Variants in PYY observed in about 807,000 individuals in gnomAD.
The protein encoded by PYY is peptide YY, also known as peptide tyrosine tyrosine.
In PYY, 12 loss-of-function variants were observed where a neutral mutation model predicts 10.3. That is an observed-to-expected ratio of 1.17 (90% CI 0.75 to 1.89). The LOEUF is 1.89. Among genes scored for constraint, PYY ranks in the 40% most tolerant of loss-of-function variants. The pLI, the probability that PYY is intolerant of heterozygous loss-of-function variation, is 0.00. For missense variants in PYY, 141 were observed against 134.0 expected, an observed-to-expected ratio of 1.05 and a Z score of -0.26; for synonymous variants, 66 against 62.0, an observed-to-expected ratio of 1.06 and a Z score of -0.30.
At chr17:43,976,601 A>ATCTG (rs1195165396) in intron 1 of PYY, among the ~76,000 whole-genome samples, 2 of 151,842 alleles carry the variant, frequency 1.3e-5, no homozygotes, top group Non-Finnish European at 2.9e-5. Flanking sequence ...GTGAAACCCC[A>ATCTG]TCTCTACTAA....
chr17:43,976,220 TAC>T (rs1244729539), intron 1 of PYY, among the ~76,000 whole-genome samples: 1 of 141,400 alleles, frequency 7.1e-6, no homozygotes, highest in Admixed American at 6.9e-5. Context: ...CGTATATGTA[TAC>T]ATATATACAT....
chr17:43,963,172 TA>T (rs1429907408), intron 2 of PYY, among the ~76,000 whole-genome samples: 1 of 152,138 alleles, frequency 6.6e-6, no homozygotes, highest in African/African-American at 2.4e-5. Context: ...ATTAGCAATG[TA>T]AAAGTATTAA....
intron 1 of PYY, among the ~76,000 whole-genome samples, chr17:43,989,453 G>A (rs2048938202): frequency 6.6e-6 from 1 of 152,120 alleles, no homozygotes; most frequent in South Asian, 2.1e-4. Flanking sequence ...CTGCCATACT[G>A]CTTCCATAGC....
intron 1 of PYY, among the ~76,000 whole-genome samples, chr17:43,973,960 T>G (rs1237924764): frequency 6.6e-6 from 1 of 152,028 alleles, no homozygotes; most frequent in East Asian, 1.9e-4. Context: ...CAAAGCTTCA[T>G]GAGACCTCTT....
intron 1 of PYY, among the ~76,000 whole-genome samples, chr17:43,995,554 C>T (rs2048985569): frequency 6.6e-6 from 1 of 152,204 alleles, no homozygotes; most frequent in African/African-American, 2.4e-5. Flanking sequence ...TGCAGACGGG[C>T]CGGGCACGGT....
chr17:44,003,670 C>CAAAAAAAAAAAA (rs34426332), intron 1 of PYY, among the ~76,000 whole-genome samples: 1 of 17,112 alleles, frequency 5.8e-5, no homozygotes, highest in African/African-American at 1.0e-4. Context: ...AACAAACAAA[C>CAAAAAAAAAAAA]AAAAAAAAAA....
chr17:43,997,213 G>C (rs1486194007), intron 1 of PYY, among the ~76,000 whole-genome samples: 3 of 151,790 alleles, frequency 2.0e-5, no homozygotes, highest in Non-Finnish European at 4.4e-5. Context: ...TAACTTTTTT[G>C]TATTTTTAGT....
intron 1 of PYY, among the ~76,000 whole-genome samples, chr17:43,985,383 A>C (rs963747055): frequency 6.6e-6 from 1 of 152,040 alleles, no homozygotes; most frequent in Non-Finnish European, 1.5e-5. Flanking sequence ...GCTATTTTTT[A>C]ATTTTTGTAG....
At chr17:43,980,923 T>C (rs1319980506) in intron 1 of PYY, among the ~76,000 whole-genome samples, 1 of 152,212 alleles carries the variant, frequency 6.6e-6, no homozygotes, top group Non-Finnish European at 1.5e-5. Context: ...TTTGTTGTAG[T>C]ATTTACAGGC....
intron 1 of PYY, among the ~76,000 whole-genome samples, chr17:43,980,255 C>T (rs1281741096): frequency 5.4e-5 from 8 of 147,454 alleles, no homozygotes; most frequent in Admixed American, 1.4e-4. Context: ...TCTCCACCTC[C>T]GGAGTTTAAG....
At position 43,982,856 on chromosome 17, in the gene PYY, C is replaced by T. The variant is rs377755433; in HGVS notation, c.-462-16324G>A. The stretch of plus-strand genomic sequence containing the variant: ...ATAAGAGGGTTTCTTCTTCAGATGA[C>T]CTTTGGTAAGGGGTGTTCTAAGGAG... On this transcript the variant is annotated intron_variant, in intron 1 of 6. Transcript: ENST00000360085. Among the ~76,000 whole-genome samples, 13 of 152,216 alleles carry T rather than the reference C, an allele frequency of 8.5e-5. 1 individual carries two copies. In the East Asian group the frequency reaches 2.3e-3, roughly 27 times the overall value.
chr17:43,970,723 A>G (rs1415312314), intron 1 of PYY, among the ~76,000 whole-genome samples: 1 of 152,202 alleles, frequency 6.6e-6, no homozygotes, highest in East Asian at 1.9e-4. Context: ...CCCTAGTACT[A>G]TCCCTGTGTG....
intron 1 of PYY, among the ~76,000 whole-genome samples, chr17:43,990,492 CATTAAAAAT>C (rs1489385573): frequency 1.3e-5 from 2 of 150,328 alleles, no homozygotes; most frequent in Non-Finnish European, 3.0e-5. Context: ...GACTCAAGAG[CATTAAAAAT>C]ATTCATGCAC....
At position 43,989,039 on chromosome 17, in the gene PYY, A is replaced by G. The variant is rs537191477; in HGVS notation, c.-463+15352T>C. On this transcript the variant is annotated intron_variant, in intron 1 of 6. Transcript: ENST00000360085. The stretch of plus-strand genomic sequence containing the variant: ...AGCCTCCCAAAGTGCTGAGATTACA[A>G]GTGTGAGCCACCGCACCCGGCCCTA... Among the ~76,000 whole-genome samples the G allele has an allele frequency of 1.6e-4, 23 of 146,798 alleles. No homozygotes were observed. The South Asian group carries it at 4.4e-3, about 28-fold the overall frequency.
chr17:43,988,100 C>T (rs1731885), intron 1 of PYY, among the ~76,000 whole-genome samples: 1 of 151,938 alleles, frequency 6.6e-6, no homozygotes, highest in African/African-American at 2.4e-5. Flanking sequence ...GAAGGTGACC[C>T]GTGGGAGCCC....
upstream of PYY, among the ~76,000 whole-genome samples, chr17:43,955,343 G>A (rs1173112113): frequency 6.6e-6 from 1 of 152,188 alleles, no homozygotes; most frequent in African/African-American, 2.4e-5. Flanking sequence ...TTGGTTCTGA[G>A]CCAGCCCCTC....
chr17:43,967,490 CTG>C (rs1567929207), intron 1 of PYY, among the ~76,000 whole-genome samples: 1 of 152,170 alleles, frequency 6.6e-6, no homozygotes. Flanking sequence ...ACCACAAACT[CTG>C]GGGCTAGGAT....
intron 1 of PYY, among the ~76,000 whole-genome samples, chr17:43,989,534 G>A (rs1399698930): frequency 6.6e-6 from 1 of 151,932 alleles, no homozygotes. Flanking sequence ...CACAACACTT[G>A]TTGTTAGCCA....
At chr17:43,979,590 G>T (rs1478024798) in intron 1 of PYY, among the ~76,000 whole-genome samples, 1 of 151,914 alleles carries the variant, frequency 6.6e-6, no homozygotes, top group Non-Finnish European at 1.5e-5. Flanking sequence ...AGACAGGAGG[G>T]TCACTTAATG....
Sources: gnomAD v4.1 joint callset for allele counts (sites outside exome capture counted in the v4.1 genomes callset) on GRCh38, gnomAD v4.1.1 for gene constraint, MANE v1.5 for transcripts, NCBI Gene and HGNC (gene_info 2026-07-23, HGNC 2026-07-21) for gene names.